Variants in IFT88 observed in about 807,000 individuals in gnomAD.
The protein encoded by IFT88 is intraflagellar transport protein 88 homolog.
Under a neutral mutation model 119.5 loss-of-function variants are expected in IFT88, and 74 were observed. That is an observed-to-expected ratio of 0.62 (90% CI 0.51 to 0.75). The LOEUF (loss-of-function observed/expected upper bound fraction) is 0.75, where lower values mean the gene tolerates loss of function less well. Ranked by LOEUF, IFT88 falls within the 30% of genes least tolerant of loss-of-function variation. The pLI is 0.00. For synonymous variants in IFT88, 279 were observed against 316.7 expected (o/e 0.88, Z 1.26); for missense variants, 961 against 977.7 (o/e 0.98, Z 0.23).
Position 20,675,788 on chromosome 13 carries a change from ATAT to A in IFT88, c.2242+4757_2242+4759del, listed in dbSNP as rs1339628325. ...TTATATGAGTTTTATATGTCACAAA[ATAT>A]TATTATTGTTTGCTTTTCTTCCTAA... On this transcript the variant is annotated intron_variant, in intron 24 of 25. Transcript: ENST00000351808. 6.1e-4 allele frequency among the ~76,000 whole-genome samples: 93 copies of A among 152,368 alleles called. 1 individual carries two copies. The highest frequency in any genetic ancestry group is 2.6e-4 in the Admixed American group (4 of 15,304).
rs17054740 is a variant in IFT88, at chr13:20,629,387, G to A, written c.1300-1629G>A. On this transcript the variant is annotated intron_variant, in intron 15 of 25. Coordinates refer to ENST00000351808, the MANE Select transcript of IFT88 (RefSeq NM_006531.5). The stretch of plus-strand genomic sequence containing the variant: ...TAAGGAACTTGTGGCAATGTTATAA[G>A]ATCTTTCCAAGAAAGTAAATGATAG... Among the ~76,000 whole-genome samples the A allele has an allele frequency of 9.4e-3, 1,427 of 152,242 alleles. 24 individuals are homozygous for A. The highest frequency in any genetic ancestry group is 0.033 in the African/African-American group (1,370 of 41,528).
intron 16 of IFT88, among the ~76,000 whole-genome samples, chr13:20,633,352 C>G (rs1440769663): frequency 6.6e-6 from 1 of 151,988 alleles, no homozygotes; most frequent in African/African-American, 2.4e-5. Flanking sequence ...CCTTTGTACC[C>G]CCACCCCAGC....
chr13:20,586,570 G>A (rs1009642752), intron 3 of IFT88, among the ~76,000 whole-genome samples: 2 of 152,106 alleles, frequency 1.3e-5, no homozygotes, highest in African/African-American at 4.8e-5. Flanking sequence ...GCAGATAAGG[G>A]TACAAGATGA....
chr13:20,576,601 C>T (rs931780612), intron 2 of IFT88, among the ~76,000 whole-genome samples: 4 of 152,164 alleles, frequency 2.6e-5, no homozygotes, highest in African/African-American at 4.8e-5. Flanking sequence ...ATTCAATTTT[C>T]TCAGCACCAT....
intron 8 of IFT88, among the ~76,000 whole-genome samples, chr13:20,596,640 T>C (rs2041692605): frequency 6.6e-6 from 1 of 152,256 alleles, no homozygotes. Flanking sequence ...ACTAAAAAAT[T>C]AGTTTGCTTT....
chr13:20,627,730 C>CAAAAAAA (rs58325378), intron 15 of IFT88, among the ~76,000 whole-genome samples: 1 of 80,260 alleles, frequency 1.2e-5, no homozygotes, highest in African/African-American at 4.5e-5. Flanking sequence ...GACTTCATCT[C>CAAAAAAA]AAAAAAAAAA....
chr13:20,591,552 A>C, intron 5 of IFT88, 66 bp from the exon 6 acceptor site: 1 of 1,194,420 alleles, frequency 8.4e-7, no homozygotes, highest in Non-Finnish European at 1.2e-6. Flanking sequence ...GGTGTGTGTA[A>C]TGTGCAGAAC....
intron 20 of IFT88, among the ~76,000 whole-genome samples, chr13:20,646,861 T>TC (rs1205414291): frequency 5.9e-5 from 9 of 151,642 alleles, no homozygotes; most frequent in Admixed American, 1.3e-4. Flanking sequence ...GTTTTTTTTT[T>TC]TCTCTCTCTC....
At chr13:20,675,103 A>G (rs1459859886) in intron 24 of IFT88, among the ~76,000 whole-genome samples, 1 of 152,100 alleles carries the variant, frequency 6.6e-6, no homozygotes, top group East Asian at 1.9e-4. Flanking sequence ...TCACAAGCAG[A>G]GAATGAACAA....
chr13:20,599,183 G>A (rs906348417), intron 10 of IFT88, among the ~76,000 whole-genome samples: 2 of 151,960 alleles, frequency 1.3e-5, no homozygotes, highest in Non-Finnish European at 2.9e-5. Context: ...TAAGTTCCAT[G>A]TTTTCTTAGA....
chr13:20,570,852 G>T (rs1368602644), intron 1 of IFT88, among the ~76,000 whole-genome samples: 1 of 151,926 alleles, frequency 6.6e-6, no homozygotes, highest in Non-Finnish European at 1.5e-5. Context: ...TATGGTATAT[G>T]AATTATAGTT....
intron 2 of IFT88, among the ~76,000 whole-genome samples, chr13:20,580,447 G>A (rs936351652): frequency 2.0e-5 from 3 of 152,080 alleles, no homozygotes; most frequent in African/African-American, 7.2e-5. Context: ...AACCCAGCAG[G>A]TGGAGGTGGC....
At chr13:20,625,957 G>T in intron 15 of IFT88, 108 bp downstream of exon 15, 1 of 303,278 alleles carries the variant, frequency 3.3e-6, no homozygotes, top group South Asian at 8.9e-5. Flanking sequence ...TTATTCTGAA[G>T]TTGAATAATA....
intron 23 of IFT88, among the ~76,000 whole-genome samples, chr13:20,664,886 T>C (rs910625320): frequency 2.0e-5 from 3 of 152,156 alleles, no homozygotes; most frequent in Non-Finnish European, 4.4e-5. Context: ...GAGACCATCC[T>C]GGCTAACACA....
At chr13:20,604,506 C>T (rs1020394730) in intron 12 of IFT88, among the ~76,000 whole-genome samples, 1 of 152,142 alleles carries the variant, frequency 6.6e-6, no homozygotes, top group Non-Finnish European at 1.5e-5. Context: ...CCATCCTGAT[C>T]CTTTTATCAG....
intron 7 of IFT88, among the ~76,000 whole-genome samples, chr13:20,592,834 A>G (rs1195398748): frequency 6.6e-6 from 1 of 152,216 alleles, no homozygotes; most frequent in Non-Finnish European, 1.5e-5. Context: ...CATAAGAATT[A>G]CATAATTCTT....
intron 20 of IFT88, among the ~76,000 whole-genome samples, chr13:20,651,427 CATGTTTGTGTAAGTATCTGAT>C: frequency 6.9e-6 from 1 of 145,836 alleles, no homozygotes. Context: ...GATACTTACA[CATGTTTGTGTAAGTATCTGAT>C]CTGTTTGAGC....
At chr13:20,641,546 GATAA>G (rs549001325) in intron 18 of IFT88, 148 bp downstream of exon 18, 8 of 503,024 alleles carry the variant, frequency 1.6e-5, no homozygotes, top group Non-Finnish European at 2.8e-5. Flanking sequence ...ATTATTGTGT[GATAA>G]ATATCATTTG....
intron 24 of IFT88, among the ~76,000 whole-genome samples, chr13:20,674,724 ATTTTTTTT>A (rs35617736): frequency 1.4e-5 from 1 of 73,808 alleles, no homozygotes; most frequent in African/African-American, 4.9e-5. Flanking sequence ...ATATATATAT[ATTTTTTTT>A]TTTTTTTTTT....
Sources: allele counts gnomAD v4.1 joint callset (sites outside exome capture counted in the v4.1 genomes callset), GRCh38; gene constraint gnomAD v4.1.1; transcripts MANE v1.5; gene names NCBI Gene and HGNC (gene_info 2026-07-23, HGNC 2026-07-21).